The following FRMD3 variants were observed in gnomAD, a reference collection of about 807,000 sequenced individuals.
FRMD3 encodes FERM domain-containing protein 3.
Under a neutral mutation model 70.2 loss-of-function variants are expected in FRMD3, and 33 were observed. That is an observed-to-expected ratio of 0.47 (90% CI 0.36 to 0.63). The LOEUF (loss-of-function observed/expected upper bound fraction) is 0.63, where lower values mean the gene tolerates loss of function less well. Among genes scored for constraint, FRMD3 ranks in the 20% least tolerant of loss-of-function variants. The pLI, the probability that FRMD3 is intolerant of heterozygous loss-of-function variation, is 0.00. For synonymous variants in FRMD3, 279 were observed against 255.9 expected, an observed-to-expected ratio of 1.09 and a Z score of -0.86; for missense variants, 632 against 711.4, an observed-to-expected ratio of 0.89 and a Z score of 1.27.
At position 83,537,241 on chromosome 9, in the gene FRMD3, C is replaced by A. The variant is rs183077291; in HGVS notation, c.147+844G>T. ...CCTGACAGCCCAGAGGCACTTACTA[C>A]CCGAGGACAGGGCTGCCAGCAAAGC... On this transcript the variant is annotated intron_variant, in intron 1 of 13. Coordinates refer to ENST00000304195, the MANE Select transcript of FRMD3 (RefSeq NM_174938.6). This position sits in a 1 kb window ranked among gnomAD's most constrained non-coding sequence, Gnocchi z 4.1. Among the ~76,000 whole-genome samples, 2 of 152,298 alleles carry A rather than the reference C, an allele frequency of 1.3e-5. No individual in the cohort carries two copies. Among genetic ancestry groups the A allele is most frequent in the African/African-American group, 4.8e-5 (2 of 41,564 alleles).
intron 6 of FRMD3, among the ~76,000 whole-genome samples, chr9:83,334,481 A>C (rs949668355): frequency 6.6e-6 from 1 of 152,230 alleles, no homozygotes; most frequent in African/African-American, 2.4e-5. Flanking sequence ...ACACCGGGAC[A>C]GTTGTCTGTT....
chr9:83,334,153 T>A (rs1823496266), intron 6 of FRMD3, among the ~76,000 whole-genome samples: 1 of 152,014 alleles, frequency 6.6e-6, no homozygotes, highest in Admixed American at 6.6e-5. Flanking sequence ...CACAAACCCC[T>A]CCACAAAAAT....
chr9:83,372,889 G>T, intron 3 of FRMD3, 24 bp downstream of exon 3: 11 of 1,600,830 alleles, frequency 6.9e-6, no homozygotes, highest in Non-Finnish European at 9.4e-6. Context: ...TGTAGCAAAA[G>T]TAAAGTCACA....
intron 3 of FRMD3, among the ~76,000 whole-genome samples, chr9:83,358,950 G>A (rs10867999): frequency 0.28 from 42,388 of 151,950 alleles, 6,702 homozygotes; most frequent in Non-Finnish European, 0.35. Flanking sequence ...CTAGAAATAT[G>A]TGTAAATAAG....
chr9:83,343,979 G>A (rs1406955702), intron 4 of FRMD3, among the ~76,000 whole-genome samples: 1 of 152,242 alleles, frequency 6.6e-6, no homozygotes, highest in Non-Finnish European at 1.5e-5. Context: ...GGCAGCCACT[G>A]CACAGCTCCA....
chr9:83,261,483 C>T (rs993321799), intron 13 of FRMD3, among the ~76,000 whole-genome samples: 2 of 152,114 alleles, frequency 1.3e-5, no homozygotes, highest in Non-Finnish European at 2.9e-5. Flanking sequence ...ACAGATCACT[C>T]AACCTCTGAG....
chr9:83,268,998 CCTA>C (rs1833410826), intron 13 of FRMD3, among the ~76,000 whole-genome samples: 1 of 152,202 alleles, frequency 6.6e-6, no homozygotes, highest in African/African-American at 2.4e-5. Context: ...AGGACTAGTA[CCTA>C]CTACACCTCC....
At chr9:83,542,909 T>C (rs1230997485), upstream of FRMD3, among the ~76,000 whole-genome samples, 1 of 151,978 alleles carries the variant, frequency 6.6e-6, no homozygotes, top group Admixed American at 6.6e-5. Flanking sequence ...TGCAAAAAAA[T>C]GAGTATAGAC....
intron 13 of FRMD3, among the ~76,000 whole-genome samples, chr9:83,275,367 C>T (rs149277459): frequency 2.6e-5 from 4 of 152,284 alleles, no homozygotes; most frequent in Non-Finnish European, 5.9e-5. Flanking sequence ...CCTGTGCTTA[C>T]AAAATTCCTG....
chr9:83,542,484 G>A (rs1358515560), upstream of FRMD3, among the ~76,000 whole-genome samples: 1 of 152,206 alleles, frequency 6.6e-6, no homozygotes, highest in African/African-American at 2.4e-5. Flanking sequence ...GCTATTCCAT[G>A]TTCATGGATA....
intron 6 of FRMD3, among the ~76,000 whole-genome samples, chr9:83,326,377 A>T (rs1207305500): frequency 6.6e-6 from 1 of 152,218 alleles, no homozygotes; most frequent in East Asian, 1.9e-4. Context: ...GCCCATCTTT[A>T]AAATAATTCT....
At chr9:83,579,467 T>A in the FRMD3 span, among the ~76,000 whole-genome samples, 1 of 151,864 alleles carries the variant, frequency 6.6e-6, no homozygotes, top group African/African-American at 2.4e-5. Flanking sequence ...AGAAAGACTG[T>A]AAATAAACCC....
intron 1 of FRMD3, among the ~76,000 whole-genome samples, chr9:83,454,997 T>C (rs2131424484): frequency 6.6e-6 from 1 of 152,272 alleles, no homozygotes; most frequent in East Asian, 1.9e-4. Context: ...AGCTAAGAGA[T>C]ATAAGAAGCC....
intron 10 of FRMD3, among the ~76,000 whole-genome samples, chr9:83,303,825 C>T (rs917279270): frequency 3.9e-5 from 6 of 152,136 alleles, no homozygotes; most frequent in African/African-American, 1.2e-4. Flanking sequence ...CTATCTAATA[C>T]GAAAACATTT....
chr9:83,546,890 C>CAA, the FRMD3 span, among the ~76,000 whole-genome samples: 33 of 64,138 alleles, frequency 5.1e-4, no homozygotes, highest in African/African-American at 1.4e-3. Context: ...GACTCTGTCT[C>CAA]AAAAAAAAAA....
At chr9:83,375,893 C>T (rs775784163) in intron 2 of FRMD3, among the ~76,000 whole-genome samples, 1 of 152,212 alleles carries the variant, frequency 6.6e-6, no homozygotes, top group Non-Finnish European at 1.5e-5. Context: ...GGCGCAGTGG[C>T]TCACACCTGT....
At chr9:83,464,577 T>G (rs1483730454) in intron 1 of FRMD3, among the ~76,000 whole-genome samples, 1 of 152,132 alleles carries the variant, frequency 6.6e-6, no homozygotes, top group Admixed American at 6.5e-5. Context: ...CAAACACACC[T>G]CAATCTGATC....
chr9:83,480,997 A>G (rs570105687), intron 1 of FRMD3, among the ~76,000 whole-genome samples: 3 of 152,346 alleles, frequency 2.0e-5, no homozygotes, highest in African/African-American at 7.2e-5. Context: ...TGTAAACTGA[A>G]AAACAACTAA....
chr9:83,555,414 G>T, the FRMD3 span, among the ~76,000 whole-genome samples: 2 of 152,030 alleles, frequency 1.3e-5, no homozygotes, highest in Non-Finnish European at 2.9e-5. Flanking sequence ...ATTTGGTAGA[G>T]CACCTGTGCT....
Sources: gnomAD v4.1 joint callset for allele counts (sites outside exome capture counted in the v4.1 genomes callset) on GRCh38, gnomAD v4.1.1 for gene constraint, Gnocchi (gnomAD v3.1) non-coding constraint, MANE v1.5 for transcripts, NCBI Gene and HGNC (gene_info 2026-07-23, HGNC 2026-07-21) for gene names.